GPD2: variants seen among roughly 807,000 people sequenced by gnomAD.
The protein encoded by GPD2 is glycerol-3-phosphate dehydrogenase 2, also known as glycerol-3-phosphate dehydrogenase, mitochondrial.
GPD2 carries 54 observed loss-of-function variants against 82.4 expected under a neutral mutation model. That is an observed-to-expected ratio of 0.66 (90% CI 0.53 to 0.82). The LOEUF is 0.82. GPD2 is among the 40% of genes least tolerant of loss of function. The pLI is 0.00. For missense variants in GPD2, 748 were observed against 896.2 expected, an observed-to-expected ratio of 0.83 and a Z score of 2.11; for synonymous variants, 288 against 306.1, an observed-to-expected ratio of 0.94 and a Z score of 0.62.
At chr2:156,457,662 G>A (rs1193184986) in intron 1 of GPD2, among the ~76,000 whole-genome samples, 1 of 152,196 alleles carries the variant, frequency 6.6e-6, no homozygotes, top group African/African-American at 2.4e-5. Flanking sequence ...AAGTGTACTT[G>A]GTTGTTCAGA....
intron 6 of GPD2, among the ~76,000 whole-genome samples, chr2:156,539,753 A>G (rs1488976363): frequency 6.6e-6 from 1 of 152,210 alleles, no homozygotes; most frequent in Non-Finnish European, 1.5e-5. Flanking sequence ...GGAAAAGAGG[A>G]CTGAAAAAAA....
the GPD2 span, among the ~76,000 whole-genome samples, chr2:156,416,000 G>A: frequency 1.1e-5 from 1 of 92,242 alleles, no homozygotes; most frequent in East Asian, 3.5e-4. Context: ...CAGCCTGGGC[G>A]ACAGAGCGAG....
At chr2:156,565,633 C>T (rs1469653) in intron 9 of GPD2, among the ~76,000 whole-genome samples, 106,321 of 151,954 alleles carry the variant, frequency 0.7, 37,337 homozygotes, top group Middle Eastern at 0.82. Context: ...ATTAAACATC[C>T]TGTAGAGGTG....
chr2:156,496,293 A>G (rs746961151), intron 3 of GPD2, 78 bp downstream of exon 3: 73 of 955,094 alleles, frequency 7.6e-5, no homozygotes, highest in Non-Finnish European at 1.1e-4. Flanking sequence ...TACATAGGTA[A>G]GTGTGTGCCA....
chr2:156,499,696 A>G (rs1040041844), intron 3 of GPD2, among the ~76,000 whole-genome samples: 6 of 151,966 alleles, frequency 3.9e-5, no homozygotes, highest in African/African-American at 1.4e-4. Flanking sequence ...TTTATATAGT[A>G]TTCATGATTT....
At chr2:156,401,539 A>G in the GPD2 span, among the ~76,000 whole-genome samples, 1 of 152,066 alleles carries the variant, frequency 6.6e-6, no homozygotes, top group Non-Finnish European at 1.5e-5. Context: ...ACCCCCTGCC[A>G]TTTTTTTCTT....
At chr2:156,459,441 C>G (rs1418158188) in intron 1 of GPD2, among the ~76,000 whole-genome samples, 1 of 151,916 alleles carries the variant, frequency 6.6e-6, no homozygotes, top group African/African-American at 2.4e-5. Flanking sequence ...AATCCCAGCA[C>G]TTTGGGAGGC....
intron 16 of GPD2, among the ~76,000 whole-genome samples, chr2:156,582,175 C>G (rs1195751587): frequency 6.6e-6 from 1 of 151,830 alleles, no homozygotes; most frequent in Non-Finnish European, 1.5e-5. Flanking sequence ...GGCCTTTGCC[C>G]GCTGCCTGCA....
intron 2 of GPD2, among the ~76,000 whole-genome samples, chr2:156,492,067 T>A (rs1250391742): frequency 6.6e-6 from 1 of 150,650 alleles, no homozygotes; most frequent in East Asian, 1.9e-4. Flanking sequence ...AATAGCTGTA[T>A]AATTTTGCAT....
At chr2:156,469,457 G>T (rs1339131579) in intron 1 of GPD2, among the ~76,000 whole-genome samples, 1 of 152,172 alleles carries the variant, frequency 6.6e-6, no homozygotes, top group Non-Finnish European at 1.5e-5. Context: ...GAGCCACTGT[G>T]CCCGGCCTGA....
rs1311040216 is a variant in GPD2 at position 156,500,513 on chromosome 2, T to C, written c.274+4298T>C. On this transcript the variant is annotated intron_variant, in intron 3 of 16. Coordinates refer to ENST00000438166, the MANE Select transcript of GPD2 (RefSeq NM_000408.5). ...GCTTTCTCTGCATTTGATATGTTTT[T>C]ACCAAATTATTCCTGATTGTATCCA... is the stretch of plus-strand genomic sequence containing the variant. Among the ~76,000 whole-genome samples, 5 of 152,202 alleles carry C rather than the reference T, an allele frequency of 3.3e-5. No homozygotes were observed. In the East Asian group the frequency reaches 9.6e-4, roughly 29 times the overall value.
the GPD2 span, among the ~76,000 whole-genome samples, chr2:156,414,856 A>C: frequency 6.6e-6 from 1 of 152,202 alleles, no homozygotes; most frequent in Non-Finnish European, 1.5e-5. Context: ...CAGCTCTAAA[A>C]GGGATAAATA....
At chr2:156,413,243 C>A in the GPD2 span, among the ~76,000 whole-genome samples, 1 of 152,052 alleles carries the variant, frequency 6.6e-6, no homozygotes, top group Non-Finnish European at 1.5e-5. Flanking sequence ...TATTCCATAA[C>A]CTTTGCTTAT....
chr2:156,401,433 G>A, the GPD2 span, among the ~76,000 whole-genome samples: 1 of 152,132 alleles, frequency 6.6e-6, no homozygotes, highest in African/African-American at 2.4e-5. Flanking sequence ...CTTTGGTGAA[G>A]GAGGCAAATG....
In GPD2 at chr2:156,496,430, T is replaced by G. The variant is rs528644900; in HGVS notation, c.274+215T>G. ...CCCCAGTGTGTGTTGTTCCCCTCCA[T>G]GTGTCCATGTGTTCCCATTGTTCAG... On this transcript the variant is annotated intron_variant, in intron 3 of 16. Coordinates refer to ENST00000438166, the MANE Select transcript of GPD2 (RefSeq NM_000408.5). Among the ~76,000 whole-genome samples, 140 of 151,362 alleles carry G rather than the reference T, an allele frequency of 9.2e-4. No homozygotes were observed. Among genetic ancestry groups the G allele is most frequent in the Middle Eastern group, 3.4e-3 (1 of 294 alleles).
intron 1 of GPD2, among the ~76,000 whole-genome samples, chr2:156,469,673 G>A (rs867437148): frequency 2.0e-5 from 3 of 152,260 alleles, no homozygotes; most frequent in Middle Eastern, 3.4e-3. Flanking sequence ...GCTGGTCGTT[G>A]AAATTACTCT....
At chr2:156,578,503 G>C (rs1401434813) in intron 13 of GPD2, among the ~76,000 whole-genome samples, 6 of 152,018 alleles carry the variant, frequency 3.9e-5, no homozygotes, top group Admixed American at 3.9e-4. Flanking sequence ...ATGAATCTCA[G>C]AATTATTATC....
intron 3 of GPD2, among the ~76,000 whole-genome samples, chr2:156,498,101 T>A (rs1330659647): frequency 6.6e-6 from 1 of 152,216 alleles, no homozygotes; most frequent in African/African-American, 2.4e-5. Context: ...TTCAGGAAAG[T>A]GTATTTCTTG....
the GPD2 span, among the ~76,000 whole-genome samples, chr2:156,422,985 A>C: frequency 1.3e-5 from 2 of 152,174 alleles, no homozygotes; most frequent in African/African-American, 4.8e-5. Context: ...TGTTAGGTGA[A>C]TATTGATTGC....
Sources: gnomAD v4.1 joint callset for allele counts (sites outside exome capture counted in the v4.1 genomes callset) on GRCh38, gnomAD v4.1.1 for gene constraint, MANE v1.5 for transcripts, NCBI Gene and HGNC (gene_info 2026-07-23, HGNC 2026-07-21) for gene names.